The following WDPCP variants were observed in gnomAD, a reference collection of about 807,000 sequenced individuals.
The protein encoded by WDPCP is WD repeat-containing and planar cell polarity effector protein fritz homolog.
Under a neutral mutation model 93.1 loss-of-function variants are expected in WDPCP, and 71 were observed. The ratio of observed to expected loss-of-function variants is 0.76; its 90% CI spans 0.63 to 0.93. The LOEUF (loss-of-function observed/expected upper bound fraction) is 0.93, where lower values mean the gene tolerates loss of function less well. Among genes scored for constraint, WDPCP ranks in the 40% least tolerant of loss-of-function variants. The probability of loss-of-function intolerance (pLI) is 0.00; values close to 1 mark genes in which losing one functional copy is unlikely to be tolerated. For synonymous variants in WDPCP, 315 were observed against 315.0 expected, an observed-to-expected ratio of 1.00 and a Z score of 0.00; for missense variants, 844 against 887.4, an observed-to-expected ratio of 0.95 and a Z score of 0.62.
chr2:63,388,122 AT>A (rs1692899823), intron 10 of WDPCP, among the ~76,000 whole-genome samples: 2 of 152,120 alleles, frequency 1.3e-5, no homozygotes, highest in Admixed American at 6.6e-5. Flanking sequence ...AGAAAAAAAA[AT>A]AAACTAATTT....
chr2:63,338,132 G>T (rs1688522508), intron 12 of WDPCP, among the ~76,000 whole-genome samples: 1 of 152,092 alleles, frequency 6.6e-6, no homozygotes, highest in African/African-American at 2.4e-5. Flanking sequence ...ATACTTTCAG[G>T]TCTTGGGTTT....
rs1669513680 is a variant in WDPCP at position 63,120,893 on chromosome 2, G to A, written c.*1113C>T. ...TGCTAAAGAATGGGTGTCAATAACT[G>A]TGAAGGGTATGAGATTTTACCCTAC... On this transcript the variant is annotated 3_prime_UTR_variant, in exon 18 of 18. Transcript: ENST00000272321. Among the ~76,000 whole-genome samples, 1 of 152,106 alleles carries A rather than the reference G, an allele frequency of 6.6e-6. No individual in the cohort carries two copies. The highest frequency in any genetic ancestry group is 1.5e-5 in the Non-Finnish European group (1 of 68,016).
chr2:63,239,365 T>C (rs1488981510), intron 14 of WDPCP, among the ~76,000 whole-genome samples: 2 of 152,198 alleles, frequency 1.3e-5, no homozygotes, highest in African/African-American at 2.4e-5. Flanking sequence ...ATAAAAACTC[T>C]GATTCTTTCC....
intron 2 of WDPCP, among the ~76,000 whole-genome samples, chr2:63,653,476 C>G (rs1320614134): frequency 6.6e-6 from 1 of 152,160 alleles, no homozygotes; most frequent in Admixed American, 6.5e-5. Context: ...GATAAACTCC[C>G]TGACAAAAAT....
At chr2:63,250,845 T>A (rs986339354) in intron 14 of WDPCP, among the ~76,000 whole-genome samples, 2 of 152,176 alleles carry the variant, frequency 1.3e-5, no homozygotes, top group Admixed American at 1.3e-4. Flanking sequence ...ACTATTATAT[T>A]AAGGAGTTCA....
At chr2:63,778,583 TA>T (rs1454602181) in intron 2 of WDPCP, among the ~76,000 whole-genome samples, 1 of 152,184 alleles carries the variant, frequency 6.6e-6, no homozygotes, top group South Asian at 2.1e-4. Flanking sequence ...GATGGCCTCC[TA>T]ACTTCCTTCT....
At chr2:63,480,978 A>G (rs1235832151) in intron 6 of WDPCP, among the ~76,000 whole-genome samples, 4 of 152,192 alleles carry the variant, frequency 2.6e-5, no homozygotes, top group Non-Finnish European at 1.5e-5. Context: ...AATCTTCACA[A>G]TCTATACATC....
chr2:63,175,690 C>T (rs867224058), intron 14 of WDPCP, among the ~76,000 whole-genome samples: 1 of 152,142 alleles, frequency 6.6e-6, no homozygotes, highest in Non-Finnish European at 1.5e-5. Flanking sequence ...ACAGTATTCA[C>T]GTTTTTGTCA....
At chr2:63,735,758 C>G (rs545849849) in intron 2 of WDPCP, among the ~76,000 whole-genome samples, 2 of 152,058 alleles carry the variant, frequency 1.3e-5, no homozygotes, top group Non-Finnish European at 2.9e-5. Context: ...AAATCAGAAT[C>G]GAATAAATGT....
intron 6 of WDPCP, among the ~76,000 whole-genome samples, chr2:63,473,215 A>C (rs1205213089): frequency 6.6e-6 from 1 of 152,168 alleles, no homozygotes; most frequent in Non-Finnish European, 1.5e-5. Context: ...TGGGAAGAAT[A>C]ATCTATTTTT....
chr2:63,731,313 T>TGG (rs112737483), intron 2 of WDPCP, among the ~76,000 whole-genome samples: 1 of 151,864 alleles, frequency 6.6e-6, no homozygotes, highest in South Asian at 2.1e-4. Flanking sequence ...TATAAACTGT[T>TGG]GGGGGTTTTT....
chr2:63,449,460 A>G (rs1438978502), intron 6 of WDPCP, among the ~76,000 whole-genome samples: 1 of 152,032 alleles, frequency 6.6e-6, no homozygotes, highest in Non-Finnish European at 1.5e-5. Context: ...AGAGTCTAAC[A>G]GAGAAGTCAT....
chr2:63,607,256 G>A (rs747632483), intron 3 of WDPCP: 7 of 213,188 alleles, frequency 3.3e-5, no homozygotes, highest in Non-Finnish European at 6.6e-5. Flanking sequence ...CAAACTTGCG[G>A]ACAGGCGCAG....
chr2:63,617,379 A>G (rs1418085402), intron 3 of WDPCP, among the ~76,000 whole-genome samples: 1 of 152,228 alleles, frequency 6.6e-6, no homozygotes, highest in Non-Finnish European at 1.5e-5. Flanking sequence ...TGAGAGGGAA[A>G]AATGCTTTCT....
chr2:63,389,623 C>T (rs992423686), intron 10 of WDPCP, among the ~76,000 whole-genome samples: 2 of 152,076 alleles, frequency 1.3e-5, no homozygotes, highest in Non-Finnish European at 2.9e-5. Flanking sequence ...AGAGTCCAGA[C>T]CCATCACTGT....
intron 13 of WDPCP, among the ~76,000 whole-genome samples, chr2:63,293,715 C>T (rs1228432577): frequency 6.6e-6 from 1 of 152,028 alleles, no homozygotes; most frequent in African/African-American, 2.4e-5. Context: ...AATTCTGGAG[C>T]TGGAAAATAT....
intron 14 of WDPCP, among the ~76,000 whole-genome samples, chr2:63,230,549 A>G (rs1678768517): frequency 6.6e-6 from 1 of 152,144 alleles, no homozygotes; most frequent in Non-Finnish European, 1.5e-5. Context: ...TTACAGTCCC[A>G]CCAACAGTGT....
In WDPCP at chr2:63,303,223, C is replaced by T. The variant is rs565896264; in HGVS notation, c.1812+10025G>A. On this transcript the variant is annotated intron_variant, in intron 13 of 17. Coordinates refer to ENST00000272321, the MANE Select transcript of WDPCP (RefSeq NM_015910.7). ...ATTTTAGCTTGTTCAAGGCCACATC[C>T]TCCTTTGTGGACCAGTTCCAGTGGC... Among the ~76,000 whole-genome samples, 71 of 152,282 alleles carry T rather than the reference C, an allele frequency of 4.7e-4. 1 individual carries two copies. Among genetic ancestry groups the T allele is most frequent in the Admixed American group, 3.9e-3 (59 of 15,300 alleles).
chr2:63,683,661 C>T (rs894952291), intron 2 of WDPCP, among the ~76,000 whole-genome samples: 1 of 151,988 alleles, frequency 6.6e-6, no homozygotes, highest in African/African-American at 2.4e-5. Flanking sequence ...TCAGCCTGGC[C>T]AACATGGTGA....
Sources: allele counts gnomAD v4.1 joint callset (sites outside exome capture counted in the v4.1 genomes callset), GRCh38; gene constraint gnomAD v4.1.1; transcripts MANE v1.5; gene names NCBI Gene and HGNC (gene_info 2026-07-23, HGNC 2026-07-21).